DNER: variants seen among roughly 807,000 people sequenced by gnomAD.
DNER encodes the protein delta/notch like EGF repeat containing, also known as delta and Notch-like epidermal growth factor-related receptor.
DNER carries 33 observed loss-of-function variants against 78.2 expected under a neutral mutation model. That is an observed-to-expected ratio of 0.42 (90% CI 0.32 to 0.56). The LOEUF is 0.56. Among genes scored for constraint, DNER ranks in the 20% least tolerant of loss-of-function variants. The pLI is 0.11. For synonymous variants in DNER, 417 were observed against 384.8 expected, an observed-to-expected ratio of 1.08 and a Z score of -0.98; for missense variants, 918 against 975.3, an observed-to-expected ratio of 0.94 and a Z score of 0.78.
At chr2:229,387,545 A>G (rs552941492) in intron 11 of DNER, among the ~76,000 whole-genome samples, 80 of 151,076 alleles carry the variant, frequency 5.3e-4, no homozygotes, top group African/African-American at 1.9e-3. Context: ...GAAAGAAAGA[A>G]AGAAAGAAAG....
At chr2:229,649,445 C>T (rs1389077197) in intron 1 of DNER, among the ~76,000 whole-genome samples, 1 of 152,138 alleles carries the variant, frequency 6.6e-6, no homozygotes, top group Admixed American at 6.5e-5. Context: ...TGTTTAACAA[C>T]CAACTCTAGG....
intron 11 of DNER, among the ~76,000 whole-genome samples, chr2:229,380,261 A>G (rs1263824868): frequency 6.6e-6 from 1 of 152,192 alleles, no homozygotes; most frequent in Non-Finnish European, 1.5e-5. Flanking sequence ...GGCAGCCAGA[A>G]CCACCAGTGA....
At chr2:229,711,679 G>A (rs1022195195) in intron 1 of DNER, among the ~76,000 whole-genome samples, 4 of 152,160 alleles carry the variant, frequency 2.6e-5, no homozygotes, top group African/African-American at 9.7e-5. Context: ...TTTGGAGAAG[G>A]AGGAGTGACG....
intron 1 of DNER, among the ~76,000 whole-genome samples, chr2:229,609,975 C>T (rs918282969): frequency 4.9e-4 from 74 of 152,194 alleles, no homozygotes; most frequent in African/African-American, 1.8e-3. Context: ...AAAGTTTTTG[C>T]CATGAGAAAA....
chr2:229,677,182 G>A lies in DNER; in HGVS notation c.276+36966C>T, dbSNP rs115471182. Among the ~76,000 whole-genome samples, 1,145 of 152,166 alleles carry A rather than the reference G, an allele frequency of 7.5e-3. 11 individuals carry two copies. Among genetic ancestry groups the A allele is most frequent in the African/African-American group, 0.026 (1,084 of 41,518 alleles). On this transcript the variant is annotated intron_variant, in intron 1 of 12. Transcript: ENST00000341772. The stretch of plus-strand genomic sequence containing the variant: ...ATTTTTGCTGATCTTCTGCCCTCAG[G>A]GATGATGTCTTTGGTTGGCACTGCT...
At chr2:229,671,856 AATGAG>A (rs1330535092) in intron 1 of DNER, among the ~76,000 whole-genome samples, 1 of 152,180 alleles carries the variant, frequency 6.6e-6, no homozygotes, top group African/African-American at 2.4e-5. Flanking sequence ...TGAGAATTCA[AATGAG>A]ATAACAGAGG....
chr2:229,429,171 A>G (rs1397896991), intron 8 of DNER, among the ~76,000 whole-genome samples: 1 of 152,210 alleles, frequency 6.6e-6, no homozygotes, highest in Non-Finnish European at 1.5e-5. Flanking sequence ...ACAATGGGAC[A>G]CAGCAGGATT....
chr2:229,691,681 T>C (rs1699574648), intron 1 of DNER, among the ~76,000 whole-genome samples: 1 of 151,920 alleles, frequency 6.6e-6, no homozygotes, highest in South Asian at 2.1e-4. Flanking sequence ...GGCTATTTGC[T>C]AAAGAGACAC....
chr2:229,684,375 C>A (rs890508827), intron 1 of DNER, among the ~76,000 whole-genome samples: 4 of 152,010 alleles, frequency 2.6e-5, no homozygotes, highest in African/African-American at 9.7e-5. Flanking sequence ...CCCCATCCCC[C>A]TCTTCATCGG....
At chr2:229,513,710 A>G (rs1477811784) in intron 5 of DNER, among the ~76,000 whole-genome samples, 1 of 152,180 alleles carries the variant, frequency 6.6e-6, no homozygotes, top group Admixed American at 6.5e-5. Flanking sequence ...ATCATTACAG[A>G]AGATTTTTAT....
chr2:229,428,132 G>T (rs1693923142), intron 8 of DNER, among the ~76,000 whole-genome samples: 1 of 151,842 alleles, frequency 6.6e-6, no homozygotes, highest in Admixed American at 6.6e-5. Context: ...GCAGGTGTCA[G>T]GCCTGGTGGT....
At chr2:229,560,059 T>C (rs1022247943) in intron 4 of DNER, among the ~76,000 whole-genome samples, 1 of 152,216 alleles carries the variant, frequency 6.6e-6, no homozygotes, top group African/African-American at 2.4e-5. Context: ...ATCTCTGGAA[T>C]GGAGTGGTCA....
intron 1 of DNER, among the ~76,000 whole-genome samples, chr2:229,700,636 C>T (rs1367462476): frequency 6.6e-6 from 1 of 151,922 alleles, no homozygotes; most frequent in African/African-American, 2.4e-5. Flanking sequence ...ATATGGTGGC[C>T]AGGCACGGTG....
Position 229,612,924 on chromosome 2 carries a change from A to ATTTTGGT in DNER, c.277-21037_277-21036insACCAAAA, listed in dbSNP as rs563505834. ...AGAACGTATTCCAATATACAAAACT[A>ATTTTGGT]TTTTGGACCAAAATATGTATTTGCA... On this transcript the variant is annotated intron_variant, in intron 1 of 12. Coordinates refer to ENST00000341772, the MANE Select transcript of DNER (RefSeq NM_139072.4). 5.8e-4 allele frequency among the ~76,000 whole-genome samples: 88 copies of ATTTTGGT among 152,362 alleles called. 1 individual carries two copies. The highest frequency in any genetic ancestry group is 2.0e-3 in the African/African-American group (85 of 41,594).
At chr2:229,586,552 A>AC (rs1697505537) in intron 3 of DNER, 3 of 99,098 alleles carry the variant, frequency 3.0e-5, no homozygotes, top group African/African-American at 2.6e-4. Context: ...AAAAAAAAAC[A>AC]CACAAAACCA....
intron 4 of DNER, among the ~76,000 whole-genome samples, chr2:229,553,203 T>C (rs909595406): frequency 4.6e-5 from 7 of 152,224 alleles, no homozygotes; most frequent in African/African-American, 1.4e-4. Flanking sequence ...GAGATCCCTT[T>C]AGTGCCAGGG....
intron 5 of DNER, among the ~76,000 whole-genome samples, chr2:229,539,599 T>A (rs1383131393): frequency 1.3e-5 from 2 of 152,228 alleles, no homozygotes; most frequent in African/African-American, 4.8e-5. Context: ...CAGATCTAAC[T>A]CAAAACTCAG....
chr2:229,380,313 C>G (rs1692707495), intron 11 of DNER, among the ~76,000 whole-genome samples: 1 of 152,150 alleles, frequency 6.6e-6, no homozygotes, highest in African/African-American at 2.4e-5. Context: ...AGAGAGCAGA[C>G]AGATCAGGCC....
At chr2:229,543,866 T>C (rs898853772) in intron 5 of DNER, among the ~76,000 whole-genome samples, 5 of 152,176 alleles carry the variant, frequency 3.3e-5, no homozygotes, top group Non-Finnish European at 7.3e-5. Flanking sequence ...GCCTGCTCTT[T>C]CTTCCGTTAC....
Sources: allele counts gnomAD v4.1 joint callset (sites outside exome capture counted in the v4.1 genomes callset), GRCh38; gene constraint gnomAD v4.1.1; transcripts MANE v1.5; gene names NCBI Gene and HGNC (gene_info 2026-07-23, HGNC 2026-07-21).